TFCP2L1: variants seen among roughly 807,000 people sequenced by gnomAD.
TFCP2L1 encodes transcription factor CP2 like 1, also known as transcription factor CP2-like protein 1.
A neutral mutation model predicts 72.2 loss-of-function variants in TFCP2L1; 12 were observed. That is an observed-to-expected ratio of 0.17 (90% CI 0.11 to 0.27). The LOEUF (loss-of-function observed/expected upper bound fraction) is 0.27, where lower values mean the gene tolerates loss of function less well. Among genes scored for constraint, TFCP2L1 ranks in the 10% least tolerant of loss-of-function variants. The probability of loss-of-function intolerance (pLI) is 1.00; values close to 1 mark genes in which losing one functional copy is unlikely to be tolerated. For missense variants in TFCP2L1, 488 were observed against 624.6 expected (o/e 0.78, Z 2.33); for synonymous variants, 260 against 251.0 (o/e 1.04, Z -0.34).
At chr2:121,224,452 G>A in intron 14 of TFCP2L1, 65 bp from the exon 15 acceptor site, 2 of 1,546,688 alleles carry the variant, frequency 1.3e-6, no homozygotes, top group Non-Finnish European at 1.8e-6. Context: ...GTATTGGGGA[G>A]TCCCAAAAGG....
At position 121,224,230 on chromosome 2, in the gene TFCP2L1, C is replaced by T. The variant is rs949362324; in HGVS notation, c.*111G>A. On this transcript the variant is annotated 3_prime_UTR_variant, in exon 15 of 15. Coordinates refer to ENST00000263707, the MANE Select transcript of TFCP2L1 (RefSeq NM_014553.3). ...AGCTTTCACAGACTGGGCAGGGTCC[C>T]TCCTGGCCTCAGCTTGCCTGGTGAG... 3.9e-5 allele frequency: 51 copies of T among 1,296,802 alleles called. No homozygotes were observed. Among genetic ancestry groups the T allele is most frequent in the Non-Finnish European group, 5.5e-5 (50 of 913,148 alleles). 80.3% of individuals were successfully genotyped at this position (1,296,802 alleles called of 1,614,324 possible). A position where few individuals can be genotyped will look rare whatever the true frequency, so the allele number is the denominator to read the frequency against.
At position 121,217,263 on chromosome 2, in the gene TFCP2L1, T is replaced by C. The variant is rs115019564; in HGVS notation, c.*7078A>G. 1,728 of 152,358 alleles carry C rather than the reference T, an allele frequency of 0.011. 19 individuals carry two copies. The highest frequency in any genetic ancestry group is 0.02 in the Middle Eastern group (6 of 296). 9.4% of individuals were successfully genotyped at this position (152,358 alleles called of 1,614,324 possible). ...AGGATCGAGTGAGAAGCTGACCAAA[T>C]GCGCAGAACACAAAGCCTAGCCTGT... On this transcript the variant is annotated 3_prime_UTR_variant, in exon 15 of 15. Coordinates refer to ENST00000263707, the MANE Select transcript of TFCP2L1 (RefSeq NM_014553.3).
Position 121,218,656 on chromosome 2 carries a change from C to T in TFCP2L1, c.*5685G>A, listed in dbSNP as rs1223071610. ...CACTGACCGTCCTTCCCCACCTTAT[C>T]CCATCAGCTGCCCTGCACAGGAGCA... On this transcript the variant is annotated 3_prime_UTR_variant, in exon 15 of 15. Coordinates refer to ENST00000263707, the MANE Select transcript of TFCP2L1 (RefSeq NM_014553.3). 1 of 152,342 alleles carries T rather than the reference C, an allele frequency of 6.6e-6. No homozygotes were observed. Among genetic ancestry groups the T allele is most frequent in the Non-Finnish European group, 1.5e-5 (1 of 68,136 alleles). The allele number at this position is 152,342 out of a possible 1,614,324, so 9.4% of individuals were successfully genotyped here.
intron 1 of TFCP2L1, among the ~76,000 whole-genome samples, chr2:121,284,048 T>C (rs1381355069): frequency 6.6e-6 from 1 of 152,214 alleles, no homozygotes; most frequent in Non-Finnish European, 1.5e-5. Context: ...GACAAATACC[T>C]ACCAGCAGCC....
chr2:121,244,089 G>A (rs1477165165), intron 6 of TFCP2L1, among the ~76,000 whole-genome samples: 2 of 152,110 alleles, frequency 1.3e-5, no homozygotes, highest in Non-Finnish European at 2.9e-5. Context: ...CCACGACCTG[G>A]CTTCCCTGCT....
intron 6 of TFCP2L1, 49 bp from the exon 7 acceptor site, chr2:121,242,518 C>A (rs1160798566): frequency 6.3e-6 from 10 of 1,578,640 alleles, no homozygotes; most frequent in African/African-American, 1.3e-5. Flanking sequence ...ACACAGGCAG[C>A]AGCCCCCAAG....
At position 121,249,097 on chromosome 2, in the gene TFCP2L1, G is replaced by A. The variant is rs776570697; in HGVS notation, c.292-10C>T. ...CCACACGGATGATGCTCTGGGGAGG[G>A]AGGCCAGCAGGGAAACAAGTGACCG... On this transcript the variant is annotated splice_polypyrimidine_tract_variant and intron_variant, in intron 3 of 14. Coordinates refer to ENST00000263707, the MANE Select transcript of TFCP2L1 (RefSeq NM_014553.3). 1.2e-5 allele frequency: 19 copies of A among 1,546,926 alleles called. No homozygotes were observed. The South Asian group carries it at 2.3e-4, about 19-fold the overall frequency.
At chr2:121,249,455 A>C in intron 3 of TFCP2L1, 116 bp downstream of exon 3, 1 of 930,344 alleles carries the variant, frequency 1.1e-6, no homozygotes, top group South Asian at 1.5e-5. Flanking sequence ...GGCTGAGCTG[A>C]ACCCGGCCTC....
intron 13 of TFCP2L1, among the ~76,000 whole-genome samples, chr2:121,229,420 T>C (rs1686096871): frequency 6.6e-6 from 1 of 152,162 alleles, no homozygotes; most frequent in Non-Finnish European, 1.5e-5. Flanking sequence ...TTTTTTAATG[T>C]GAAAGACAGG....
At chr2:121,253,360 T>C (rs1024163976) in intron 2 of TFCP2L1, among the ~76,000 whole-genome samples, 1 of 152,172 alleles carries the variant, frequency 6.6e-6, no homozygotes, top group Non-Finnish European at 1.5e-5. Flanking sequence ...AGGTCTTGCT[T>C]CCCTATTCAA....
At chr2:121,266,059 T>C (rs996140106) in intron 2 of TFCP2L1, among the ~76,000 whole-genome samples, 2 of 152,082 alleles carry the variant, frequency 1.3e-5, no homozygotes, top group Non-Finnish European at 2.9e-5. Context: ...AGAGATGGTG[T>C]TTCCTTATGT....
chr2:121,234,176 C>T lies in TFCP2L1; in HGVS notation c.1113G>A (p.Met371Ile). The T allele has an allele frequency of 1.2e-6, 2 of 1,614,152 alleles. No homozygotes were observed. Among genetic ancestry groups the T allele is most frequent in the Non-Finnish European group, 1.7e-6 (2 of 1,180,022 alleles). Residue 371 changes from methionine (M) to isoleucine (I), a missense_variant, in exon 12 of 15, where the codon ATG (methionine) becomes ATA (isoleucine). This residue lies in a region of TFCP2L1 where 286 missense variants were observed against 329.0 expected (regional missense o/e 0.87). Coordinates refer to ENST00000263707, the MANE Select transcript of TFCP2L1 (RefSeq NM_014553.3). ...AIKGRNVRPK[M>I]TIYVCQELEQ... Reference sequence around the variant, plus strand: ...CCAGCTCCTGACAGACATAAATGGTCATCTTTGGCCTCACATTCCTGGCAG... The same window carrying T: ...CCAGCTCCTGACAGACATAAATGGTTATCTTTGGCCTCACATTCCTGGCAG...
intron 6 of TFCP2L1, among the ~76,000 whole-genome samples, chr2:121,245,752 C>A (rs1369571761): frequency 6.6e-6 from 1 of 152,324 alleles, no homozygotes. Context: ...AGAAATGGCA[C>A]CATCCCTGTC....
Position 121,235,289 on chromosome 2 carries a change from G to C in TFCP2L1, c.1026C>G (p.Ser342=). 2 of 1,614,074 alleles carry C rather than the reference G, an allele frequency of 1.2e-6. No homozygotes were observed. Among genetic ancestry groups the C allele is most frequent in the Non-Finnish European group, 1.7e-6 (2 of 1,180,022 alleles). Reference sequence around the variant, plus strand: ...CACAGATCTGGACCAAATCATCTCGGGACATCTTCAGCAAGTCAGCACCTA... The same window carrying C: ...CACAGATCTGGACCAAATCATCTCGCGACATCTTCAGCAAGTCAGCACCTA... ...SFSGADLLKM[S]RDDLVQICGP... The change falls in exon 11 of 15, where the codon TCC becomes TCG. Residue 342 remains serine (S), a synonymous_variant. Transcript: ENST00000263707.
chr2:121,266,316 CAA>C (rs887806402), intron 2 of TFCP2L1, among the ~76,000 whole-genome samples: 11 of 151,958 alleles, frequency 7.2e-5, no homozygotes, highest in African/African-American at 2.7e-4. Context: ...AAAAAATTGC[CAA>C]AGTTAGTGGC....
chr2:121,270,457 A>G (rs1323285176), intron 2 of TFCP2L1, among the ~76,000 whole-genome samples: 1 of 152,228 alleles, frequency 6.6e-6, no homozygotes, highest in African/African-American at 2.4e-5. Context: ...TGGCAATTCT[A>G]TTTCTAGGTG....
intron 5 of TFCP2L1, among the ~76,000 whole-genome samples, chr2:121,247,453 A>G (rs1686512294): frequency 6.6e-6 from 1 of 152,178 alleles, no homozygotes; most frequent in Non-Finnish European, 1.5e-5. Flanking sequence ...CTCGATATCA[A>G]TGTATTGTTA....
Position 121,285,181 on chromosome 2 carries a change from G to C in TFCP2L1, c.-72C>G. On this transcript the variant is annotated 5_prime_UTR_variant, in exon 1 of 15. Transcript: ENST00000263707. ...ACGCGGGGCGCGCCGAGGACCCAGCGGCGGCTTCGCGCTCCGAACCCGCGG... is the reference window on the plus strand; with the variant it reads ...ACGCGGGGCGCGCCGAGGACCCAGCCGCGGCTTCGCGCTCCGAACCCGCGG... 4.6e-6 allele frequency: 6 copies of C among 1,302,558 alleles called. No homozygotes were observed. Among genetic ancestry groups the C allele is most frequent in the Non-Finnish European group, 5.9e-6 (6 of 1,016,906 alleles). 80.7% of individuals were successfully genotyped at this position (1,302,558 alleles called of 1,614,324 possible).
At chr2:121,260,632 C>T (rs1686813932) in intron 2 of TFCP2L1, among the ~76,000 whole-genome samples, 3 of 152,194 alleles carry the variant, frequency 2.0e-5, no homozygotes. Context: ...CTGGGATACA[C>T]CCCCAGGCAG....
Sources: gnomAD v4.1 joint callset for allele counts (sites outside exome capture counted in the v4.1 genomes callset) on GRCh38, gnomAD v4.1.1 for gene constraint, gnomAD v4.1.1 regional missense constraint, MANE v1.5 for transcripts, NCBI Gene and HGNC (gene_info 2026-07-23, HGNC 2026-07-21) for gene names.